Variants in PTPRD observed in about 807,000 individuals in gnomAD.
The protein encoded by PTPRD is receptor-type tyrosine-protein phosphatase delta.
PTPRD carries 34 observed loss-of-function variants against 214.5 expected under a neutral mutation model. That is an observed-to-expected ratio of 0.16 (90% CI 0.12 to 0.21). The LOEUF (loss-of-function observed/expected upper bound fraction) is 0.21. Ranked by LOEUF, PTPRD falls within the 10% of genes least tolerant of loss-of-function variation. The probability of loss-of-function intolerance (pLI) is 1.00; values close to 1 mark genes in which losing one functional copy is unlikely to be tolerated. For missense variants in PTPRD, 2,545 were observed against 2,398.7 expected (o/e 1.06, Z -1.27); for synonymous variants, 1,128 against 845.7 (o/e 1.33, Z -5.79).
intron 8 of PTPRD, among the ~76,000 whole-genome samples, chr9:9,551,651 C>A (rs2080281383): frequency 6.6e-6 from 1 of 151,948 alleles, no homozygotes; most frequent in Non-Finnish European, 1.5e-5. Context: ...TTTCATCAAG[C>A]CTTCTTTAAT....
intron 12 of PTPRD, among the ~76,000 whole-genome samples, chr9:8,727,931 A>G (rs1481581048): frequency 6.6e-6 from 1 of 152,234 alleles, no homozygotes; most frequent in African/African-American, 2.4e-5. Flanking sequence ...TATACTCAGT[A>G]CCAACACTCT....
chr9:8,623,657 C>T (rs1408006562), intron 14 of PTPRD, among the ~76,000 whole-genome samples: 2 of 151,874 alleles, frequency 1.3e-5, no homozygotes, highest in Non-Finnish European at 2.9e-5. Context: ...TTGCTAACAG[C>T]TTTACATGGA....
intron 3 of PTPRD, among the ~76,000 whole-genome samples, chr9:10,041,046 G>C (rs1190294239): frequency 6.6e-6 from 1 of 151,732 alleles, no homozygotes; most frequent in Admixed American, 6.6e-5. Flanking sequence ...CACTGTTTTT[G>C]AAAAACAAGA....
intron 3 of PTPRD, among the ~76,000 whole-genome samples, chr9:10,108,365 A>G (rs571959316): frequency 7.2e-5 from 11 of 152,130 alleles, no homozygotes; most frequent in African/African-American, 1.9e-4. Flanking sequence ...AGTGTACAGT[A>G]TATTGTTATT....
At chr9:10,031,329 A>C (rs1225128261) in intron 4 of PTPRD, among the ~76,000 whole-genome samples, 1 of 151,998 alleles carries the variant, frequency 6.6e-6, no homozygotes, top group Non-Finnish European at 1.5e-5. Flanking sequence ...GGTGTTGCCA[A>C]AGGAGATTAA....
At chr9:8,439,180 G>C (rs2095458753) in intron 34 of PTPRD, among the ~76,000 whole-genome samples, 1 of 152,164 alleles carries the variant, frequency 6.6e-6, no homozygotes, top group African/African-American at 2.4e-5. Context: ...GAATCCAATG[G>C]TACAGGAGAA....
At chr9:10,018,328 C>G (rs1297407072) in intron 4 of PTPRD, among the ~76,000 whole-genome samples, 1 of 151,902 alleles carries the variant, frequency 6.6e-6, no homozygotes, top group Non-Finnish European at 1.5e-5. Flanking sequence ...AAATCAGAAG[C>G]AATAAGCCGT....
At chr9:8,863,004 C>T (rs2098133022) in intron 11 of PTPRD, among the ~76,000 whole-genome samples, 1 of 152,088 alleles carries the variant, frequency 6.6e-6, no homozygotes, top group African/African-American at 2.4e-5. Flanking sequence ...CAGCATGGCA[C>T]ATGTATACGT....
intron 9 of PTPRD, among the ~76,000 whole-genome samples, chr9:9,328,744 C>G (rs575038935): frequency 1.4e-5 from 2 of 143,748 alleles, no homozygotes; most frequent in South Asian, 4.6e-4. Context: ...TCAAGAGATT[C>G]TTGCATCTCA....
chr9:9,832,784 G>A (rs2055329085), intron 5 of PTPRD, among the ~76,000 whole-genome samples: 1 of 151,956 alleles, frequency 6.6e-6, no homozygotes, highest in South Asian at 2.1e-4. Context: ...GAGGCAACTA[G>A]CCAATGGACC....
intron 5 of PTPRD, among the ~76,000 whole-genome samples, chr9:9,877,575 C>A (rs1394538934): frequency 6.6e-6 from 1 of 152,100 alleles, no homozygotes; most frequent in Non-Finnish European, 1.5e-5. Context: ...GTTTTCTGCT[C>A]CAAGACTTCA....
intron 8 of PTPRD, among the ~76,000 whole-genome samples, chr9:9,515,945 A>G (rs1022193496): frequency 2.0e-5 from 3 of 152,228 alleles, no homozygotes; most frequent in African/African-American, 7.2e-5. Context: ...TTATGAGATT[A>G]GATTTCACAT....
intron 2 of PTPRD, among the ~76,000 whole-genome samples, chr9:10,504,263 G>A (rs2045121532): frequency 1.3e-5 from 2 of 151,474 alleles, no homozygotes; most frequent in Non-Finnish European, 2.9e-5. Context: ...TACACAAACA[G>A]TCTTAAAATG....
intron 36 of PTPRD, among the ~76,000 whole-genome samples, chr9:8,401,511 C>A (rs1159084694): frequency 6.6e-6 from 1 of 152,072 alleles, no homozygotes; most frequent in Non-Finnish European, 1.5e-5. Flanking sequence ...CAATTGAAAC[C>A]ATTTTGTAAT....
At chr9:10,181,204 T>C (rs969526154) in intron 3 of PTPRD, among the ~76,000 whole-genome samples, 4 of 152,112 alleles carry the variant, frequency 2.6e-5, no homozygotes, top group African/African-American at 9.6e-5. Flanking sequence ...TAGGAGTTTG[T>C]TTACCATAAT....
chr9:8,490,940 C>G (rs1030814611), intron 27 of PTPRD, among the ~76,000 whole-genome samples: 1 of 152,184 alleles, frequency 6.6e-6, no homozygotes, highest in Admixed American at 6.5e-5. Context: ...GAGCTCACAT[C>G]TGTGAGATAA....
At chr9:10,265,887 A>G (rs574963635) in intron 3 of PTPRD, among the ~76,000 whole-genome samples, 20 of 152,336 alleles carry the variant, frequency 1.3e-4, no homozygotes, top group Non-Finnish European at 2.5e-4. Context: ...AATCAGCATT[A>G]CAGTAATCTA....
intron 44 of PTPRD, among the ~76,000 whole-genome samples, chr9:8,321,991 C>T (rs1828804589): frequency 6.6e-6 from 1 of 151,160 alleles, no homozygotes; most frequent in Non-Finnish European, 1.5e-5. Context: ...CAAATTTTTT[C>T]ATACTATTAC....
In PTPRD at chr9:8,672,498, T is replaced by C. The variant is rs1404192501; in HGVS notation, c.65-35654A>G. 2.0e-5 allele frequency among the ~76,000 whole-genome samples: 3 copies of C among 152,188 alleles called. No homozygotes were observed. In the South Asian group the frequency reaches 6.2e-4, roughly 31 times the overall value. ...TTGGGCAGGATGTTACAGATATTAA[T>C]AGTGACATGCTAGGGTTCCTTGTAA... is the stretch of plus-strand genomic sequence containing the variant. On this transcript the variant is annotated intron_variant, in intron 12 of 45. Coordinates refer to ENST00000381196, the MANE Select transcript of PTPRD (RefSeq NM_002839.4).
Sources: allele counts gnomAD v4.1 joint callset (sites outside exome capture counted in the v4.1 genomes callset), GRCh38; gene constraint gnomAD v4.1.1; transcripts MANE v1.5; gene names NCBI Gene and HGNC (gene_info 2026-07-23, HGNC 2026-07-21).